Variants in SFMBT1 observed in about 807,000 individuals in gnomAD.
SFMBT1 encodes scm-like with four MBT domains protein 1.
Under a neutral mutation model 108.7 loss-of-function variants are expected in SFMBT1, and 32 were observed. The observed-to-expected ratio is 0.29, with a 90% CI of 0.22 to 0.40. The LOEUF (loss-of-function observed/expected upper bound fraction) is 0.40, where lower values mean the gene tolerates loss of function less well. SFMBT1 is among the 10% of genes least tolerant of loss of function. SFMBT1 has a pLI of 1.00. For missense variants in SFMBT1, 816 were observed against 1,059.6 expected (o/e 0.77, Z 3.19); for synonymous variants, 348 against 369.5 (o/e 0.94, Z 0.67).
At chr3:52,947,368 C>A (rs1703406509) in intron 3 of SFMBT1, among the ~76,000 whole-genome samples, 2 of 152,122 alleles carry the variant, frequency 1.3e-5, no homozygotes, top group South Asian at 4.1e-4. Flanking sequence ...CCGCCCGCCT[C>A]GGCCTCCCAA....
chr3:52,957,798 C>G (rs907938708), intron 2 of SFMBT1, among the ~76,000 whole-genome samples: 1 of 152,114 alleles, frequency 6.6e-6, no homozygotes. Flanking sequence ...ACACCTAATA[C>G]AAAAATTAAC....
intron 1 of SFMBT1, among the ~76,000 whole-genome samples, chr3:53,017,582 G>T (rs988138437): frequency 1.3e-5 from 2 of 152,142 alleles, no homozygotes; most frequent in Admixed American, 6.5e-5. Context: ...TCCAACAGAA[G>T]AGTGACAGGA....
chr3:52,975,606 T>C (rs1162021369), intron 1 of SFMBT1, among the ~76,000 whole-genome samples: 1 of 152,032 alleles, frequency 6.6e-6, no homozygotes, highest in Non-Finnish European at 1.5e-5. Context: ...TGAGAATTTT[T>C]TTGTTTGTTT....
chr3:53,005,619 A>T (rs925541490), intron 1 of SFMBT1, among the ~76,000 whole-genome samples: 13 of 152,286 alleles, frequency 8.5e-5, no homozygotes, highest in Admixed American at 3.9e-4. Context: ...GCTGGGATTT[A>T]ATTTTGAAAA....
Position 52,904,495 on chromosome 3 carries a change from T to A in SFMBT1, c.*641A>T, listed in dbSNP as rs1372475041. On this transcript the variant is annotated 3_prime_UTR_variant, in exon 21 of 21. Coordinates refer to ENST00000394752, the MANE Select transcript of SFMBT1 (RefSeq NM_016329.4). ...TAAAAATGGCATCATACAAAAAACC[T>A]CATACATGGCTGTAAGCTCAATTAT... 3 of 152,500 alleles carry A rather than the reference T, an allele frequency of 2.0e-5. No individual in the cohort carries two copies. The highest frequency in any genetic ancestry group is 7.2e-5 in the African/African-American group (3 of 41,422). The allele number at this position is 152,500 out of a possible 1,614,324, so 9.4% of individuals were successfully genotyped here.
At chr3:52,928,644 A>G (rs1559514093) in intron 8 of SFMBT1, 3 of 51,742 alleles carry the variant, frequency 5.8e-5, no homozygotes, top group African/African-American at 1.0e-4. Flanking sequence ...ATACATATAT[A>G]TATATATATA....
intron 1 of SFMBT1, among the ~76,000 whole-genome samples, chr3:52,971,710 G>A (rs1464110876): frequency 6.6e-6 from 1 of 152,112 alleles, no homozygotes; most frequent in African/African-American, 2.4e-5. Flanking sequence ...GCAAGTAGAA[G>A]TACTAGATGA....
At position 52,921,711 on chromosome 3, in the gene SFMBT1, G is replaced by C. The variant is rs1212640476; in HGVS notation, c.1252C>G (p.Leu418Val). 6.2e-7 allele frequency: 1 copy of C among 1,613,980 alleles called. No homozygotes were observed. The highest frequency in any genetic ancestry group is 8.5e-7 in the Non-Finnish European group (1 of 1,179,990). The change falls in exon 11 of 21, where the codon CTG becomes GTG. Residue 418 changes from leucine to valine, a missense_variant. Coordinates refer to ENST00000394752, the MANE Select transcript of SFMBT1 (RefSeq NM_016329.4). ...CTAGAGTGCTGGCACTCACCCTCCA[G>C]CTGGAGCCACAGGTAGGAGCCTCTC... ...AVRGSYLWLQ[L>V]EGSKKPIPEC...
intron 18 of SFMBT1, 94 bp from the exon 19 acceptor site, chr3:52,907,408 TC>T: frequency 6.6e-7 from 1 of 1,525,314 alleles, no homozygotes; most frequent in Non-Finnish European, 8.7e-7. Context: ...GAAAAGAAAT[TC>T]AGGACAAACC....
At chr3:53,033,610 T>C (rs1249000208) in intron 1 of SFMBT1, among the ~76,000 whole-genome samples, 1 of 152,112 alleles carries the variant, frequency 6.6e-6, no homozygotes, top group African/African-American at 2.4e-5. Context: ...TATCTTTCTA[T>C]ATACACAAAG....
chr3:52,943,292 G>T (rs767986947), intron 4 of SFMBT1, 61 bp downstream of exon 4: 1 of 1,607,326 alleles, frequency 6.2e-7, no homozygotes, highest in Non-Finnish European at 8.5e-7. Context: ...CAAGACTGTG[G>T]ACAATCCAAA....
At chr3:53,040,117 G>GA (rs1169170427) in intron 1 of SFMBT1, among the ~76,000 whole-genome samples, 3 of 152,100 alleles carry the variant, frequency 2.0e-5, no homozygotes, top group East Asian at 3.8e-4. Context: ...AAGAACACTA[G>GA]AAAAAACTGA....
At chr3:52,938,929 C>T (rs573742625) in intron 4 of SFMBT1, among the ~76,000 whole-genome samples, 1 of 152,298 alleles carries the variant, frequency 6.6e-6, no homozygotes, top group East Asian at 1.9e-4. Context: ...TTACTTAGTT[C>T]TTACCTGTTC....
At chr3:52,977,602 AAGAC>A (rs1200742183) in intron 1 of SFMBT1, among the ~76,000 whole-genome samples, 6 of 152,328 alleles carry the variant, frequency 3.9e-5, no homozygotes, top group Admixed American at 6.5e-5. Context: ...TAAAAAGAGT[AAGAC>A]AGCTTAGTAA....
intron 1 of SFMBT1, among the ~76,000 whole-genome samples, chr3:52,986,492 C>T (rs550737444): frequency 6.6e-6 from 1 of 151,716 alleles, no homozygotes; most frequent in South Asian, 2.1e-4. Flanking sequence ...TTTGGTCGGG[C>T]GCCATGGCTC....
intron 13 of SFMBT1, among the ~76,000 whole-genome samples, chr3:52,917,606 G>T (rs1224089814): frequency 6.6e-6 from 1 of 152,186 alleles, no homozygotes; most frequent in Admixed American, 6.5e-5. Flanking sequence ...CCCGTCTATG[G>T]CCTGTTAGGA....
chr3:53,016,300 G>A (rs1349732157), intron 1 of SFMBT1, among the ~76,000 whole-genome samples: 2 of 152,158 alleles, frequency 1.3e-5, no homozygotes, highest in Admixed American at 6.5e-5. Context: ...CTTGATCATG[G>A]ATTGCGGTGC....
At chr3:53,034,538 C>T (rs908725844) in intron 1 of SFMBT1, among the ~76,000 whole-genome samples, 19 of 151,680 alleles carry the variant, frequency 1.3e-4, no homozygotes, top group Non-Finnish European at 2.5e-4. Context: ...CAAGATCGCA[C>T]CACTGTACTC....
intron 1 of SFMBT1, among the ~76,000 whole-genome samples, chr3:52,987,693 C>A (rs995085689): frequency 2.0e-5 from 3 of 152,140 alleles, no homozygotes; most frequent in Admixed American, 1.3e-4. Flanking sequence ...AGATGATCTG[C>A]GCTCAAGTTG....
Sources: gnomAD v4.1 joint callset for allele counts (sites outside exome capture counted in the v4.1 genomes callset) on GRCh38, gnomAD v4.1.1 for gene constraint, MANE v1.5 for transcripts, NCBI Gene and HGNC (gene_info 2026-07-23, HGNC 2026-07-21) for gene names.